ARRB1: variants seen among roughly 807,000 people sequenced by gnomAD.
ARRB1 encodes the protein arrestin beta 1, also known as beta-arrestin-1.
A neutral mutation model predicts 56.8 loss-of-function variants in ARRB1; 21 were observed. The ratio of observed to expected loss-of-function variants is 0.37; its 90% CI spans 0.26 to 0.53. The LOEUF is 0.53. ARRB1 is among the 20% of genes least tolerant of loss of function. ARRB1 has a pLI of 0.88. For missense variants in ARRB1, 424 were observed against 553.7 expected, an observed-to-expected ratio of 0.77 and a Z score of 2.35; for synonymous variants, 210 against 218.6, an observed-to-expected ratio of 0.96 and a Z score of 0.35.
At chr11:75,281,618 T>TC (rs1350555462) in intron 6 of ARRB1, 1 of 354,638 alleles carries the variant, frequency 2.8e-6, no homozygotes, top group East Asian at 5.5e-5. Flanking sequence ...ACCCTCAGTT[T>TC]CCCCATCTGT....
intron 1 of ARRB1, among the ~76,000 whole-genome samples, chr11:75,342,449 A>T (rs369458090): frequency 6.6e-6 from 1 of 152,198 alleles, no homozygotes; most frequent in African/African-American, 2.4e-5. Context: ...GGTTCTGAGT[A>T]CTTGCCCAGT....
At chr11:75,302,505 C>A (rs147833380) in intron 1 of ARRB1, among the ~76,000 whole-genome samples, 15 of 152,218 alleles carry the variant, frequency 9.9e-5, no homozygotes, top group Non-Finnish European at 1.5e-5. Context: ...CCACAGACTG[C>A]GCCTGAGCGC....
intron 1 of ARRB1, among the ~76,000 whole-genome samples, chr11:75,339,830 T>C (rs1458017855): frequency 6.6e-6 from 1 of 152,156 alleles, no homozygotes; most frequent in Non-Finnish European, 1.5e-5. Flanking sequence ...CTTTGTTCCT[T>C]GGAACCTCCT....
intron 13 of ARRB1, chr11:75,269,224 G>C: frequency 2.9e-6 from 2 of 693,498 alleles, no homozygotes; most frequent in Non-Finnish European, 5.3e-6. Flanking sequence ...GCTGGGAAGA[G>C]GCCCAGGGGT....
intron 2 of ARRB1, among the ~76,000 whole-genome samples, 174 bp downstream of exon 2, chr11:75,289,835 T>C (rs1334798639): frequency 1.3e-5 from 2 of 152,154 alleles, no homozygotes; most frequent in Non-Finnish European, 2.9e-5. Flanking sequence ...CCCTCCCCCT[T>C]CAACTGACAG....
At chr11:75,301,923 C>A (rs1946914442) in intron 1 of ARRB1, among the ~76,000 whole-genome samples, 1 of 152,200 alleles carries the variant, frequency 6.6e-6, no homozygotes. Flanking sequence ...AATGTCACCC[C>A]ATTTCAGAGA....
chr11:75,336,589 G>A (rs369576621), intron 1 of ARRB1, among the ~76,000 whole-genome samples: 2 of 152,208 alleles, frequency 1.3e-5, no homozygotes, highest in Non-Finnish European at 2.9e-5. Flanking sequence ...CCAGGAGTGA[G>A]CTGAGGGGTT....
chr11:75,322,541 C>A (rs906361202), intron 1 of ARRB1, among the ~76,000 whole-genome samples: 1 of 152,012 alleles, frequency 6.6e-6, no homozygotes, highest in Non-Finnish European at 1.5e-5. Flanking sequence ...AACACCAAAC[C>A]TACTATGGGA....
At chr11:75,268,770 T>C (rs1406713661) in intron 14 of ARRB1, 119 bp downstream of exon 14, 5 of 1,095,068 alleles carry the variant, frequency 4.6e-6, no homozygotes, top group African/African-American at 1.6e-5. Context: ...CCACAAAAGA[T>C]CTGGGGACCC....
At chr11:75,320,519 G>C (rs1947330475) in intron 1 of ARRB1, among the ~76,000 whole-genome samples, 2 of 152,174 alleles carry the variant, frequency 1.3e-5, no homozygotes, top group Non-Finnish European at 2.9e-5. Flanking sequence ...TGGGGGGCTG[G>C]ATAGCCCCAC....
intron 8 of ARRB1, among the ~76,000 whole-genome samples, chr11:75,277,765 G>A (rs576189415): frequency 6.6e-6 from 1 of 152,238 alleles, no homozygotes; most frequent in African/African-American, 2.4e-5. Flanking sequence ...TCCCTGGTGG[G>A]ACCCTTGAAA....
intron 5 of ARRB1, among the ~76,000 whole-genome samples, chr11:75,283,025 T>C (rs1045154995): frequency 2.0e-5 from 3 of 152,162 alleles, no homozygotes; most frequent in Admixed American, 6.5e-5. Context: ...TGAAGCCCCT[T>C]AGCACCCCCT....
At position 75,347,607 on chromosome 11, in the gene ARRB1, C is replaced by G. The variant is rs948919568; in HGVS notation, c.20+3981G>C. On this transcript the variant is annotated intron_variant, in intron 1 of 15. Transcript: ENST00000420843. ...CCAACTGTGAGCCAGACAAGGCCCC[C>G]TCTCTTGGGCAAAAGCGTCGAGTAG... Among the ~76,000 whole-genome samples the G allele has an allele frequency of 2.7e-4, 41 of 152,216 alleles. 1 individual carries two copies. Among genetic ancestry groups the G allele is most frequent in the Non-Finnish European group, 1.5e-5 (1 of 68,038 alleles).
intron 1 of ARRB1, among the ~76,000 whole-genome samples, chr11:75,297,391 G>A (rs1946777024): frequency 6.6e-6 from 1 of 152,138 alleles, no homozygotes. Context: ...AGATCAATGG[G>A]ATATAATTGA....
At chr11:75,273,999 G>T (rs1341958965) in intron 11 of ARRB1, 75 bp downstream of exon 11, 7 of 1,597,254 alleles carry the variant, frequency 4.4e-6, no homozygotes, top group African/African-American at 1.3e-5. Flanking sequence ...TCTTTGAACT[G>T]GGGGGACCAA....
At chr11:75,281,042 A>C (rs1194513756) in intron 7 of ARRB1, 33 bp downstream of exon 7, 1 of 1,584,620 alleles carries the variant, frequency 6.3e-7, no homozygotes. Flanking sequence ...TCCCTCACCC[A>C]GCAGGCGGCC....
intron 1 of ARRB1, among the ~76,000 whole-genome samples, chr11:75,340,041 G>GGA (rs1374870039): frequency 2.0e-5 from 3 of 152,202 alleles, no homozygotes; most frequent in Admixed American, 6.5e-5. Flanking sequence ...CTTCCCACTC[G>GGA]GAGAGAGACA....
intron 1 of ARRB1, among the ~76,000 whole-genome samples, chr11:75,306,149 C>A (rs1159086934): frequency 6.6e-6 from 1 of 152,172 alleles, no homozygotes; most frequent in South Asian, 2.1e-4. Context: ...CATCCCTGCT[C>A]TGTGCCCAGC....
At chr11:75,287,228 G>C in intron 3 of ARRB1, 87 bp downstream of exon 3, 1 of 1,376,430 alleles carries the variant, frequency 7.3e-7, no homozygotes, top group South Asian at 1.4e-5. Flanking sequence ...TTGGCACCGG[G>C]CCCCTCTGGA....
Sources: allele counts gnomAD v4.1 joint callset (sites outside exome capture counted in the v4.1 genomes callset), GRCh38; gene constraint gnomAD v4.1.1; transcripts MANE v1.5; gene names NCBI Gene and HGNC (gene_info 2026-07-23, HGNC 2026-07-21).